The following MRPL17 variants were observed in gnomAD, a reference collection of about 807,000 sequenced individuals.
The protein encoded by MRPL17 is large ribosomal subunit protein bL17m.
Under a neutral mutation model 12.0 loss-of-function variants are expected in MRPL17, and 8 were observed. The ratio of observed to expected loss-of-function variants is 0.67; its 90% CI spans 0.39 to 1.21. The LOEUF (loss-of-function observed/expected upper bound fraction) is 1.21. Among genes scored for constraint, MRPL17 ranks in the 50% most tolerant of loss-of-function variants. The probability of loss-of-function intolerance (pLI) is 0.01; values close to 1 mark genes in which losing one functional copy is unlikely to be tolerated. For synonymous variants in MRPL17, 107 were observed against 92.9 expected (o/e 1.15, Z -0.87); for missense variants, 263 against 234.4 (o/e 1.12, Z -0.80).
Position 6,682,394 on chromosome 11 carries a change from A to C in MRPL17, c.252T>G (p.Asp84Glu), listed in dbSNP as rs756524283. The C allele has an allele frequency of 1.2e-6, 2 of 1,613,200 alleles. No homozygotes were observed. The highest frequency in any genetic ancestry group is 2.2e-5 in the South Asian group (2 of 91,084). ...RMADFWLTEK[D>E]LIPKLFQVLA... Reference sequence around the variant, plus strand: ...GTACTTGAAACAGCTTTGGGATCAAATCCTTCTCCTAGAGGGAGAATTATC... The same window carrying C: ...GTACTTGAAACAGCTTTGGGATCAACTCCTTCTCCTAGAGGGAGAATTATC... Residue 84 changes from aspartate to glutamate, a missense_variant, in exon 3 of 3, where the codon GAT (aspartate) becomes GAG (glutamate). Asp to Glu is a conservative substitution (Grantham distance 45). Transcript: ENST00000288937.
At position 6,683,277 on chromosome 11, in the gene MRPL17, G is replaced by T; in HGVS notation, c.20C>A (p.Ala7Glu). 6.2e-7 allele frequency: 1 copy of T among 1,612,060 alleles called. No homozygotes were observed. The highest frequency in any genetic ancestry group is 1.1e-5 in the South Asian group (1 of 91,004). Residue 7 changes from alanine to glutamate, a missense_variant, in exon 1 of 3, where the codon GCA becomes GAA. Physicochemically the swap from Ala to Glu is moderately radical, Grantham distance 107 (BLOSUM62 -1). Transcript: ENST00000288937. MRLSVA[A>E]AISHGRVFRR... ...AAATACGCGGCCATGGGAGATCGCT[G>T]CAGCGACCGACAGCCGCATGTTTCC...
intron 2 of MRPL17, 66 bp downstream of exon 2, chr11:6,682,681 C>CT (rs1193449063): frequency 1.3e-6 from 2 of 1,515,890 alleles, no homozygotes; most frequent in African/African-American, 1.4e-5. Context: ...CATAGTTCTC[C>CT]TTTTTCCAAC....
chr11:6,683,237 G>C lies in MRPL17; in HGVS notation c.60C>G (p.Leu20=), dbSNP rs750096890. The change falls in exon 1 of 3, where the codon CTC becomes CTG. Residue 20 remains leucine (L), a synonymous_variant. Coordinates refer to ENST00000288937, the MANE Select transcript of MRPL17 (RefSeq NM_022061.4). ...SHGRVFRRMG[L]GPESRIHLLR... is the part of the protein sequence containing the mutation. ...ACAGATGGATGCGGGACTCGGGACC[G>C]AGGCCCATACGGCGAAATACGCGGC... 24 of 1,614,008 alleles carry C rather than the reference G, an allele frequency of 1.5e-5. No individual in the cohort carries two copies. In the East Asian group the frequency reaches 1.6e-4, roughly 10 times the overall value.
chr11:6,682,732 A>AT lies in MRPL17; in HGVS notation c.243+14dup, dbSNP rs1846580759. On this transcript the variant is annotated intron_variant, in intron 2 of 2. Coordinates refer to ENST00000288937, the MANE Select transcript of MRPL17 (RefSeq NM_022061.4). The stretch of plus-strand genomic sequence containing the variant: ...GCAAAGGGTGGGATTTTGAAGGCAG[A>AT]TAGGTCGCACTCACTGTGAGCCAGA... 6.2e-7 allele frequency: 1 copy of AT among 1,613,598 alleles called. No homozygotes were observed. Among genetic ancestry groups the AT allele is most frequent in the South Asian group, 1.1e-5 (1 of 91,078 alleles).
At chr11:6,682,505 A>ACCTCCC (rs1846577440) in intron 2 of MRPL17, 103 bp from the exon 3 acceptor site, 1 of 1,334,818 alleles carries the variant, frequency 7.5e-7, no homozygotes, top group South Asian at 1.4e-5. Context: ...ACATAGAAAG[A>ACCTCCC]CCTCCCCCTC....
Position 6,683,333 on chromosome 11 carries a change from T to TTCC in MRPL17, c.-38_-37insGGA. 4.4e-6 allele frequency: 7 copies of TTCC among 1,585,186 alleles called. No homozygotes were observed. Among genetic ancestry groups the TTCC allele is most frequent in the Non-Finnish European group, 6.0e-6 (7 of 1,163,070 alleles). ...CTGCCCGCCCCTTGGAGGCCGGAAC[T>TTCC]GGAAACTGGAAGGTAGAGCCGGTGG... On this transcript the variant is annotated 5_prime_UTR_variant, in exon 1 of 3. Transcript: ENST00000288937.
Position 6,683,249 on chromosome 11 carries a change from G to T in MRPL17, c.48C>A (p.Arg16=). The part of the protein sequence containing the change: ...AAAISHGRVF[R]RMGLGPESRI... ...GGGACTCGGGACCGAGGCCCATACG[G>T]CGAAATACGCGGCCATGGGAGATCG... is the stretch of plus-strand genomic sequence containing the variant. Residue 16 remains arginine, a synonymous_variant, in exon 1 of 3, where the codon CGC becomes CGA. Coordinates refer to ENST00000288937, the MANE Select transcript of MRPL17 (RefSeq NM_022061.4). The T allele has an allele frequency of 6.2e-7, 1 of 1,614,094 alleles. No individual in the cohort carries two copies. The highest frequency in any genetic ancestry group is 8.5e-7 in the Non-Finnish European group (1 of 1,180,022).
Position 6,682,367 on chromosome 11 carries a change from C to A in MRPL17, c.279G>T (p.Leu93=). The A allele has an allele frequency of 6.2e-7, 1 of 1,613,970 alleles. No homozygotes were observed. Among genetic ancestry groups the A allele is most frequent in the South Asian group, 1.1e-5 (1 of 91,074 alleles). Residue 93 remains leucine, a synonymous_variant, in exon 3 of 3, where the codon CTG becomes CTT. Coordinates refer to ENST00000288937, the MANE Select transcript of MRPL17 (RefSeq NM_022061.4). The stretch of plus-strand genomic sequence containing the variant: ...CAGTTTGATCTTTGTACCGAGGGGC[C>A]AGTACTTGAAACAGCTTTGGGATCA... The part of the protein sequence containing the change: ...KDLIPKLFQV[L]APRYKDQTGG...
In MRPL17 at chr11:6,683,265, T is replaced by C. The variant is rs756130727; in HGVS notation, c.32A>G (p.His11Arg). The change falls in exon 1 of 3, where the codon CAT becomes CGT. Residue 11 changes from histidine to arginine, a missense_variant. Physicochemically the swap from His to Arg is conservative, Grantham distance 29 (BLOSUM62 0). Transcript: ENST00000288937. ...GCCCATACGGCGAAATACGCGGCCA[T>C]GGGAGATCGCTGCAGCGACCGACAG... MRLSVAAAISHGRVFRRMGLG... is the reference protein window; with the variant it reads MRLSVAAAISRGRVFRRMGLG... 2.1e-5 allele frequency: 34 copies of C among 1,613,764 alleles called. No homozygotes were observed. The highest frequency in any genetic ancestry group is 6.7e-5 in the East Asian group (3 of 44,894).
In MRPL17 at chr11:6,682,339, C is replaced by T. The variant is rs763163549; in HGVS notation, c.307G>A (p.Gly103Ser). The T allele has an allele frequency of 4.4e-5, 71 of 1,614,022 alleles. No homozygotes were observed. Among genetic ancestry groups the T allele is most frequent in the East Asian group, 4.2e-4 (19 of 44,896 alleles). Residue 103 changes from glycine to serine, a missense_variant, in exon 3 of 3, where the codon GGC becomes AGC. Coordinates refer to ENST00000288937, the MANE Select transcript of MRPL17 (RefSeq NM_022061.4). ...GGGATCTGCAGCATTCTTGTGTAGC[C>T]CCCAGTTTGATCTTTGTACCGAGGG... ...LAPRYKDQTG[G>S]YTRMLQIPNR... is the part of the protein sequence containing the mutation.
In MRPL17 at chr11:6,681,731, C is replaced by T. The variant is rs1846565630; in HGVS notation, c.*387G>A. The T allele has an allele frequency of 6.5e-6, 1 of 152,896 alleles. No individual in the cohort carries two copies. The highest frequency in any genetic ancestry group is 2.4e-5 in the African/African-American group (1 of 41,460). The allele number at this position is 152,896 out of a possible 1,614,324, so 9.5% of individuals were successfully genotyped here. On this transcript the variant is annotated 3_prime_UTR_variant, in exon 3 of 3. Transcript: ENST00000288937. ...GAGACCAGATGTCAAAACACAACCA[C>T]CTCTGGCAACATTTGGAATTATAGG...
Position 6,681,981 on chromosome 11 carries a change from G to A in MRPL17, c.*137C>T. The stretch of plus-strand genomic sequence containing the variant: ...TATTGTGCAAAGAGAGGGTCATCTG[G>A]CTCCCCAGAAGGTTCTCAACCCCAT... On this transcript the variant is annotated 3_prime_UTR_variant, in exon 3 of 3. Transcript: ENST00000288937. The A allele has an allele frequency of 1.1e-6, 1 of 883,740 alleles. No individual in the cohort carries two copies. Among genetic ancestry groups the A allele is most frequent in the Non-Finnish European group, 1.7e-6 (1 of 599,076 alleles). The allele number at this position is 883,740 out of a possible 1,614,324, so 54.7% of individuals were successfully genotyped here.
rs780893804 is a variant in MRPL17, at chr11:6,682,755, A to T, written c.235T>A (p.Trp79Arg). 1.2e-6 allele frequency: 2 copies of T among 1,614,190 alleles called. No individual in the cohort carries two copies. Among genetic ancestry groups the T allele is most frequent in the Admixed American group, 1.7e-5 (1 of 60,034 alleles). ...AGATAGGTCGCACTCACTGTGAGCC[A>T]GAAGTCAGCCATGCGCATGGCTCGT... is the stretch of plus-strand genomic sequence containing the variant. ...NERAMRMADF[W>R]LTEKDLIPKL... is the part of the protein sequence containing the mutation. Residue 79 changes from tryptophan to arginine, a missense_variant, in exon 2 of 3, where the codon TGG (tryptophan) becomes AGG (arginine). By Grantham distance (101) the Trp-to-Arg change is moderately radical. Transcript: ENST00000288937.
chr11:6,682,321 G>T lies in MRPL17; in HGVS notation c.325C>A (p.Gln109Lys). 6.2e-7 allele frequency: 1 copy of T among 1,614,214 alleles called. No individual in the cohort carries two copies. The highest frequency in any genetic ancestry group is 1.3e-5 in the African/African-American group (1 of 75,040). The change falls in exon 3 of 3, where the codon CAG (glutamine) becomes AAG (lysine). Residue 109 changes from glutamine (Q) to lysine (K), a missense_variant. Gln to Lys is a moderately conservative substitution (Grantham distance 53). Coordinates refer to ENST00000288937, the MANE Select transcript of MRPL17 (RefSeq NM_022061.4). ...DQTGGYTRMLQIPNRSLDRAK... is the reference protein window; with the variant it reads ...DQTGGYTRMLKIPNRSLDRAK... ...CGATCCAAACTCCGATTTGGGATCT[G>T]CAGCATTCTTGTGTAGCCCCCAGTT...
rs1400921731 is a variant in MRPL17, at chr11:6,683,231, G to C, written c.66C>G (p.Pro22=). ...GRVFRRMGLG[P]ESRIHLLRNL... is the part of the protein sequence containing the mutation. ...TCCGCAACAGATGGATGCGGGACTC[G>C]GGACCGAGGCCCATACGGCGAAATA... The change falls in exon 1 of 3, where the codon CCC becomes CCG. Residue 22 remains proline (P), a synonymous_variant. Coordinates refer to ENST00000288937, the MANE Select transcript of MRPL17 (RefSeq NM_022061.4). 1 of 1,614,118 alleles carries C rather than the reference G, an allele frequency of 6.2e-7. No individual in the cohort carries two copies. Among genetic ancestry groups the C allele is most frequent in the Non-Finnish European group, 8.5e-7 (1 of 1,180,020 alleles).
chr11:6,681,020 CTTA>C lies in MRPL17; in HGVS notation c.*1095_*1097del, dbSNP rs1330050779. The C allele has an allele frequency of 1.3e-5, 2 of 152,170 alleles. No individual in the cohort carries two copies. Among genetic ancestry groups the C allele is most frequent in the South Asian group, 2.1e-4 (1 of 4,830 alleles). 9.4% of individuals were successfully genotyped at this position (152,170 alleles called of 1,614,324 possible). A position where few individuals can be genotyped will look rare whatever the true frequency, so the allele number is the denominator to read the frequency against. ...AGTGATCCCTTTACCCTTACTCTTA[CTTA>C]TTATCTCAGACAGTGGATGGGTTCA... On this transcript the variant is annotated 3_prime_UTR_variant, in exon 3 of 3. Coordinates refer to ENST00000288937, the MANE Select transcript of MRPL17 (RefSeq NM_022061.4).
chr11:6,683,194 C>A lies in MRPL17; in HGVS notation c.103G>T (p.Gly35Trp), dbSNP rs750295063. The A allele has an allele frequency of 6.2e-7, 1 of 1,614,238 alleles. No homozygotes were observed. The highest frequency in any genetic ancestry group is 8.5e-7 in the Non-Finnish European group (1 of 1,180,056). The part of the protein sequence containing the change: ...RIHLLRNLLT[G>W]LVRHERIEAP... ...TCGATGCGTTCGTGCCGCACCAGCC[C>A]TGTGAGCAAGTTCCGCAACAGATGG... Residue 35 changes from glycine to tryptophan, a missense_variant, in exon 1 of 3, where the codon GGG (glycine) becomes TGG (tryptophan). Transcript: ENST00000288937.
rs771277411 is a variant in MRPL17 at position 6,683,219 on chromosome 11, G to T, written c.78C>A (p.Ile26=). Residue 26 remains isoleucine (I), a synonymous_variant, in exon 1 of 3, where the codon ATC becomes ATA. Transcript: ENST00000288937. ...CTGTGAGCAAGTTCCGCAACAGATG[G>T]ATGCGGGACTCGGGACCGAGGCCCA... ...RRMGLGPESR[I]HLLRNLLTGL... is the part of the protein sequence containing the mutation. 1.1e-5 allele frequency: 18 copies of T among 1,614,068 alleles called. No homozygotes were observed. Among genetic ancestry groups the T allele is most frequent in the Non-Finnish European group, 5.1e-6 (6 of 1,180,050 alleles).
At position 6,683,256 on chromosome 11, in the gene MRPL17, A is replaced by G. The variant is rs1756473869; in HGVS notation, c.41T>C (p.Val14Ala). 6.2e-7 allele frequency: 1 copy of G among 1,614,054 alleles called. No homozygotes were observed. Among genetic ancestry groups the G allele is most frequent in the Non-Finnish European group, 8.5e-7 (1 of 1,180,004 alleles). Reference protein sequence around the residue: ...SVAAAISHGRVFRRMGLGPES... With the variant: ...SVAAAISHGRAFRRMGLGPES... ...GGGACCGAGGCCCATACGGCGAAAT[A>G]CGCGGCCATGGGAGATCGCTGCAGC... Residue 14 changes from valine to alanine, a missense_variant, in exon 1 of 3, where the codon GTA becomes GCA. Val to Ala is a moderately conservative substitution (Grantham distance 64). Transcript: ENST00000288937.
Sources: allele counts gnomAD v4.1 joint callset, GRCh38; gene constraint gnomAD v4.1.1; transcripts MANE v1.5; gene names NCBI Gene and HGNC (gene_info 2026-07-23, HGNC 2026-07-21).